Variants in EFCAB5 observed in about 807,000 individuals in gnomAD.
The protein encoded by EFCAB5 is EF-hand calcium binding domain 5.
Under a neutral mutation model 167.9 loss-of-function variants are expected in EFCAB5, and 131 were observed. The observed-to-expected ratio is 0.78, with a 90% CI of 0.68 to 0.90. The LOEUF (loss-of-function observed/expected upper bound fraction) is 0.90, where lower values mean the gene tolerates loss of function less well. EFCAB5 is among the 40% of genes least tolerant of loss of function. The pLI is 0.00. For missense variants in EFCAB5, 1,663 were observed against 1,745.2 expected (o/e 0.95, Z 0.84); for synonymous variants, 574 against 602.8 (o/e 0.95, Z 0.70).
intron 8 of EFCAB5, among the ~76,000 whole-genome samples, chr17:30,045,895 G>T (rs1462631100): frequency 6.6e-6 from 1 of 151,728 alleles, no homozygotes; most frequent in African/African-American, 2.4e-5. Flanking sequence ...ATAAAAGTTA[G>T]CTGAGTGTAG....
At chr17:30,079,090 C>T (rs9897206) in intron 15 of EFCAB5, among the ~76,000 whole-genome samples, 92,404 of 152,086 alleles carry the variant, frequency 0.61, 29,897 homozygotes, top group African/African-American at 0.84. Flanking sequence ...ACAGCACAGC[C>T]GCCTTCTACA....
At chr17:30,081,968 C>T (rs114313601) in intron 17 of EFCAB5, among the ~76,000 whole-genome samples, 1 of 152,214 alleles carries the variant, frequency 6.6e-6, no homozygotes, top group South Asian at 2.1e-4. Flanking sequence ...GCCTTGAGTC[C>T]TAATATAAAA....
intron 15 of EFCAB5, among the ~76,000 whole-genome samples, chr17:30,079,858 A>G (rs1462426785): frequency 6.6e-6 from 1 of 152,194 alleles, no homozygotes; most frequent in African/African-American, 2.4e-5. Context: ...CAGTTGGCAT[A>G]GAAGAAACCC....
At chr17:29,980,796 T>C (rs1475202995) in intron 4 of EFCAB5, among the ~76,000 whole-genome samples, 1 of 152,262 alleles carries the variant, frequency 6.6e-6, no homozygotes, top group African/African-American at 2.4e-5. Flanking sequence ...CTTTGAGCTC[T>C]ATCCCAGTAC....
intron 22 of EFCAB5, among the ~76,000 whole-genome samples, chr17:30,096,677 A>AT (rs71278522): frequency 0.017 from 1,008 of 60,144 alleles, 26 homozygotes; most frequent in South Asian, 0.021. Flanking sequence ...ATATATATAT[A>AT]TTTTTTTTTT....
intron 4 of EFCAB5, among the ~76,000 whole-genome samples, chr17:29,977,234 G>T (rs1338529612): frequency 6.6e-6 from 1 of 151,982 alleles, no homozygotes; most frequent in Non-Finnish European, 1.5e-5. Context: ...CCTAAAATAG[G>T]ATTACAAACT....
intron 4 of EFCAB5, among the ~76,000 whole-genome samples, chr17:29,992,364 T>C (rs780255000): frequency 9.2e-5 from 14 of 152,200 alleles, no homozygotes. Flanking sequence ...TACTTATTTT[T>C]TGAGACAGAG....
intron 7 of EFCAB5, among the ~76,000 whole-genome samples, chr17:30,000,716 C>G (rs1029987900): frequency 6.6e-6 from 1 of 152,066 alleles, no homozygotes; most frequent in East Asian, 1.9e-4. Flanking sequence ...TGAGGGATTT[C>G]TGGAATTCTT....
intron 3 of EFCAB5, among the ~76,000 whole-genome samples, chr17:29,960,911 G>T (rs563896296): frequency 6.6e-6 from 1 of 152,088 alleles, no homozygotes; most frequent in South Asian, 2.1e-4. Context: ...ACCTAGGCTG[G>T]AATTGAACTC....
chr17:29,942,438 T>C (rs2067313414), intron 2 of EFCAB5, 136 bp downstream of exon 2: 2 of 725,532 alleles, frequency 2.8e-6, no homozygotes, highest in Non-Finnish European at 4.2e-6. Flanking sequence ...CAAACTCATG[T>C]TGATTATTAA....
At chr17:30,073,542 G>A (rs529673920) in intron 14 of EFCAB5, 4 of 581,502 alleles carry the variant, frequency 6.9e-6, no homozygotes, top group Non-Finnish European at 1.3e-5. Flanking sequence ...TCCATTTTAA[G>A]TAAATTATAG....
chr17:30,007,806 G>C (rs1190028378), intron 7 of EFCAB5, among the ~76,000 whole-genome samples: 1 of 152,148 alleles, frequency 6.6e-6, no homozygotes, highest in Admixed American at 6.5e-5. Context: ...GGGCAACATA[G>C]TGGGACCCTG....
chr17:30,083,643 G>A (rs1000068039), intron 18 of EFCAB5, among the ~76,000 whole-genome samples: 6 of 152,142 alleles, frequency 3.9e-5, no homozygotes, highest in Admixed American at 2.6e-4. Flanking sequence ...TAGTAGAGGC[G>A]GGGTTTCTCC....
intron 14 of EFCAB5, chr17:30,069,045 A>C: frequency 7.1e-7 from 1 of 1,400,924 alleles, no homozygotes; most frequent in South Asian, 1.2e-5. Context: ...ATTTCATTGA[A>C]GATTACTTAA....
intron 7 of EFCAB5, among the ~76,000 whole-genome samples, chr17:30,012,936 G>T (rs2068941996): frequency 6.6e-6 from 1 of 152,128 alleles, no homozygotes; most frequent in South Asian, 2.1e-4. Flanking sequence ...TATTGGCTGT[G>T]GGTTTGTCAT....
intron 14 of EFCAB5, chr17:30,069,269 T>C (rs1287532053): frequency 6.6e-7 from 1 of 1,506,840 alleles, no homozygotes; most frequent in African/African-American, 1.4e-5. Flanking sequence ...ACAACCTGAA[T>C]TGGGAACATG....
chr17:29,934,987 A>G (rs992395509), intron 1 of EFCAB5, among the ~76,000 whole-genome samples: 3 of 152,184 alleles, frequency 2.0e-5, no homozygotes, highest in Non-Finnish European at 4.4e-5. Flanking sequence ...TATGACTTAT[A>G]TAGCTAAGCT....
At chr17:29,946,659 C>T (rs942717156) in intron 3 of EFCAB5, among the ~76,000 whole-genome samples, 8 of 151,616 alleles carry the variant, frequency 5.3e-5, no homozygotes, top group Non-Finnish European at 8.8e-5. Flanking sequence ...AGGATGGTCT[C>T]GATCTCCTGA....
In EFCAB5 at chr17:29,993,265, C is replaced by T. The variant is rs1567700714; in HGVS notation, c.868C>T (p.Gln290Ter). The change falls in exon 5 of 23, where the codon CAG becomes TAG. Residue 290 changes from glutamine to a stop codon, truncating the protein, a stop_gained. Coordinates refer to ENST00000394835, the MANE Select transcript of EFCAB5 (RefSeq NM_198529.4). LOFTEE classifies it high-confidence loss of function. ...GGCCAACACACGGAAACAGGCTCTGCAGGAGCAATTCGATGAATGGATTCT... is the reference window on the plus strand; with the variant it reads ...GGCCAACACACGGAAACAGGCTCTGTAGGAGCAATTCGATGAATGGATTCT... ...KVANTRKQALQEQFDEWILDP... is the reference protein window; with the variant it reads ...KVANTRKQAL The T allele has an allele frequency of 1.2e-6, 2 of 1,613,672 alleles. No homozygotes were observed. The highest frequency in any genetic ancestry group is 1.1e-5 in the South Asian group (1 of 91,018).
Sources: allele counts gnomAD v4.1 joint callset (sites outside exome capture counted in the v4.1 genomes callset), GRCh38; gene constraint gnomAD v4.1.1; transcripts MANE v1.5; gene names NCBI Gene and HGNC (gene_info 2026-07-23, HGNC 2026-07-21).